The following RBFOX1 variants were observed in gnomAD, a reference collection of about 807,000 sequenced individuals.
RBFOX1 encodes RNA binding fox-1 homolog 1.
A neutral mutation model predicts 57.7 loss-of-function variants in RBFOX1; 8 were observed. The ratio of observed to expected loss-of-function variants is 0.14; its 90% CI spans 0.08 to 0.25. The LOEUF is 0.25. Among genes scored for constraint, RBFOX1 ranks in the 10% least tolerant of loss-of-function variants. The probability of loss-of-function intolerance (pLI) is 1.00; values close to 1 mark genes in which losing one functional copy is unlikely to be tolerated. For synonymous variants in RBFOX1, 326 were observed against 222.4 expected, an observed-to-expected ratio of 1.47 and a Z score of -4.15; for missense variants, 611 against 548.5, an observed-to-expected ratio of 1.11 and a Z score of -1.14.
chr16:7,182,152 G>A (rs2082845625), intron 4 of RBFOX1, among the ~76,000 whole-genome samples: 1 of 152,078 alleles, frequency 6.6e-6, no homozygotes, highest in Admixed American at 6.5e-5. Context: ...AACCTATTAG[G>A]TATCTTTGAC....
In RBFOX1 at chr16:7,199,652, G is replaced by C. The variant is rs139571962; in HGVS notation, c.27+147554G>C. The stretch of plus-strand genomic sequence containing the variant: ...CTCACGCCTGTAATCCCAGCACTTT[G>C]GCAGGCTGAGGCAGACCAATCATTT... On this transcript the variant is annotated intron_variant, in intron 4 of 15. Coordinates refer to ENST00000550418, the MANE Select transcript of RBFOX1 (RefSeq NM_018723.4). 8.2e-3 allele frequency among the ~76,000 whole-genome samples: 1,249 copies of C among 152,300 alleles called. 12 individuals carry two copies. Among genetic ancestry groups the C allele is most frequent in the African/African-American group, 0.024 (998 of 41,560 alleles).
intron 2 of RBFOX1, among the ~76,000 whole-genome samples, chr16:6,592,392 G>A (rs1041257443): frequency 2.6e-5 from 4 of 152,148 alleles, no homozygotes; most frequent in African/African-American, 4.8e-5. Flanking sequence ...TAATTAGGGA[G>A]AATATTTTGT....
intron 14 of RBFOX1, among the ~76,000 whole-genome samples, chr16:7,682,860 C>T (rs991097805): frequency 2.0e-5 from 3 of 148,498 alleles, no homozygotes; most frequent in Non-Finnish European, 4.5e-5. Flanking sequence ...GGGTTTTTGC[C>T]TATTCAGACT....
intron 4 of RBFOX1, among the ~76,000 whole-genome samples, chr16:7,337,783 C>G (rs1212416716): frequency 2.0e-5 from 3 of 152,184 alleles, no homozygotes; most frequent in Non-Finnish European, 4.4e-5. Flanking sequence ...CTCCCAGGTT[C>G]AAGCGATTCT....
At chr16:7,436,898 C>T (rs1473699962) in intron 4 of RBFOX1, among the ~76,000 whole-genome samples, 1 of 152,046 alleles carries the variant, frequency 6.6e-6, no homozygotes, top group African/African-American at 2.4e-5. Flanking sequence ...CCCATCACTA[C>T]TAAAAATACA....
chr16:6,697,846 C>T (rs2061282793), intron 3 of RBFOX1, among the ~76,000 whole-genome samples: 1 of 152,176 alleles, frequency 6.6e-6, no homozygotes, highest in African/African-American at 2.4e-5. Flanking sequence ...TCTCCAGGGA[C>T]ACCAGATCTG....
chr16:6,753,509 A>T (rs930235234), intron 3 of RBFOX1, among the ~76,000 whole-genome samples: 1 of 152,104 alleles, frequency 6.6e-6, no homozygotes, highest in African/African-American at 2.4e-5. Context: ...CATCTCCTAT[A>T]CCATGTCTCT....
At chr16:5,912,819 G>A (rs9922713) in intron 4 of RBFOX1, among the ~76,000 whole-genome samples, 6,757 of 152,202 alleles carry the variant, frequency 0.044, 544 homozygotes, top group African/African-American at 0.15. Context: ...CTGGTTTGGC[G>A]ATGAAAGTGA....
chr16:6,604,396 TAC>T (rs549325046), intron 2 of RBFOX1, among the ~76,000 whole-genome samples: 2 of 152,328 alleles, frequency 1.3e-5, no homozygotes, highest in Admixed American at 6.5e-5. Flanking sequence ...AAGCAGGACT[TAC>T]AGTCTTGCAT....
At chr16:7,238,934 C>T (rs1424252026) in intron 4 of RBFOX1, among the ~76,000 whole-genome samples, 1 of 152,102 alleles carries the variant, frequency 6.6e-6, no homozygotes, top group Non-Finnish European at 1.5e-5. Context: ...AGAATGAGAG[C>T]CTCCAGTTTC....
At chr16:7,658,039 A>G (rs1445138250) in intron 12 of RBFOX1, among the ~76,000 whole-genome samples, 1 of 152,210 alleles carries the variant, frequency 6.6e-6, no homozygotes, top group African/African-American at 2.4e-5. Flanking sequence ...AGTGGGGGAT[A>G]TATCTGCCCC....
At chr16:7,542,175 A>G (rs1271007288) in intron 5 of RBFOX1, among the ~76,000 whole-genome samples, 1 of 152,160 alleles carries the variant, frequency 6.6e-6, no homozygotes, top group Non-Finnish European at 1.5e-5. Context: ...TTACTCCCTC[A>G]ACCCTATGGG....
At chr16:5,368,425 C>A (rs970867259) in intron 1 of RBFOX1, among the ~76,000 whole-genome samples, 1 of 152,260 alleles carries the variant, frequency 6.6e-6, no homozygotes, top group East Asian at 1.9e-4. Flanking sequence ...CCTCCCACTT[C>A]CTTGTTTTTC....
intron 3 of RBFOX1, among the ~76,000 whole-genome samples, chr16:5,820,127 G>A (rs2055791459): frequency 6.6e-6 from 1 of 152,170 alleles, no homozygotes; most frequent in African/African-American, 2.4e-5. Context: ...ACCACCTCTA[G>A]GAAGTGGTTG....
At chr16:5,349,274 C>T (rs1356260893) in intron 1 of RBFOX1, among the ~76,000 whole-genome samples, 3 of 152,080 alleles carry the variant, frequency 2.0e-5, no homozygotes, top group African/African-American at 7.2e-5. Flanking sequence ...TATTGATTGC[C>T]GGGGGAGTTT....
At chr16:6,756,782 G>T (rs2154195460) in intron 3 of RBFOX1, among the ~76,000 whole-genome samples, 1 of 152,152 alleles carries the variant, frequency 6.6e-6, no homozygotes, top group South Asian at 2.1e-4. Flanking sequence ...GACCAGCCTG[G>T]CCAACATGGT....
intron 2 of RBFOX1, among the ~76,000 whole-genome samples, chr16:5,532,550 C>T (rs1433933260): frequency 1.3e-5 from 2 of 152,142 alleles, no homozygotes; most frequent in African/African-American, 4.8e-5. Context: ...TTAGGTTAGT[C>T]TCTAAATCTA....
At chr16:5,553,513 C>T (rs866441332) in intron 2 of RBFOX1, among the ~76,000 whole-genome samples, 1 of 151,976 alleles carries the variant, frequency 6.6e-6, no homozygotes, top group African/African-American at 2.4e-5. Context: ...GACAGGGTTT[C>T]ACTGTGTTAG....
chr16:6,089,787 A>G (rs2096144465), intron 1 of RBFOX1, among the ~76,000 whole-genome samples: 1 of 152,198 alleles, frequency 6.6e-6, no homozygotes, highest in Admixed American at 6.5e-5. Flanking sequence ...GAAATGAATG[A>G]CAATGACCAC....
Sources: gnomAD v4.1 joint callset for allele counts (sites outside exome capture counted in the v4.1 genomes callset) on GRCh38, gnomAD v4.1.1 for gene constraint, MANE v1.5 for transcripts, NCBI Gene and HGNC (gene_info 2026-07-23, HGNC 2026-07-21) for gene names.